The following SH3RF3 variants were observed in gnomAD, a reference collection of about 807,000 sequenced individuals.
SH3RF3 encodes the protein E3 ubiquitin-protein ligase SH3RF3.
In SH3RF3, 29 loss-of-function variants were observed where a neutral mutation model predicts 66.3. The ratio of observed to expected loss-of-function variants is 0.44; its 90% CI spans 0.33 to 0.60. The LOEUF is 0.60. Ranked by LOEUF, SH3RF3 falls within the 20% of genes least tolerant of loss-of-function variation. SH3RF3 has a pLI of 0.04. For missense variants in SH3RF3, 1,194 were observed against 1,190.9 expected (o/e 1.00, Z -0.04); for synonymous variants, 583 against 532.0 (o/e 1.10, Z -1.32).
At chr2:109,395,675 G>C (rs1676123283) in intron 3 of SH3RF3, among the ~76,000 whole-genome samples, 1 of 152,200 alleles carries the variant, frequency 6.6e-6, no homozygotes, top group African/African-American at 2.4e-5. Context: ...GCAGTCACTT[G>C]TGAGCAGCCT....
rs373215350 is a variant in SH3RF3 at position 109,320,540 on chromosome 2, A to T, written c.574-27134A>T. ...GGAGGCTGTCCTACCTGCTGGATACATGTTTGTTATCTGGGAGAAGTTTAG... is the reference window on the plus strand; with the variant it reads ...GGAGGCTGTCCTACCTGCTGGATACTTGTTTGTTATCTGGGAGAAGTTTAG... On this transcript the variant is annotated intron_variant, in intron 1 of 9. Transcript: ENST00000309415. Among the ~76,000 whole-genome samples the T allele has an allele frequency of 3.3e-5, 5 of 152,178 alleles. No homozygotes were observed. In the East Asian group the frequency reaches 7.7e-4, roughly 23 times the overall value.
chr2:109,142,960 G>A (rs1381598427), intron 1 of SH3RF3, among the ~76,000 whole-genome samples: 1 of 152,246 alleles, frequency 6.6e-6, no homozygotes, highest in Admixed American at 6.5e-5. Flanking sequence ...GTAGTGGAGT[G>A]CCGGGGGCTT....
chr2:109,218,079 G>A (rs957513715), intron 1 of SH3RF3, among the ~76,000 whole-genome samples: 2 of 152,096 alleles, frequency 1.3e-5, no homozygotes, highest in Middle Eastern at 3.2e-3. Flanking sequence ...CTGTGTTGTG[G>A]TAAGAGTAGT....
chr2:109,234,593 A>G (rs999671783), intron 1 of SH3RF3, among the ~76,000 whole-genome samples: 1 of 152,248 alleles, frequency 6.6e-6, no homozygotes, highest in Admixed American at 6.5e-5. Flanking sequence ...ACAGCTGTTT[A>G]AAACAATAAA....
chr2:109,269,697 T>A (rs1326021491), intron 1 of SH3RF3, among the ~76,000 whole-genome samples: 1 of 152,216 alleles, frequency 6.6e-6, no homozygotes, highest in East Asian at 1.9e-4. Context: ...GAGATTTGTT[T>A]GAACCAAGGA....
At chr2:109,386,169 G>T (rs1241052550) in intron 3 of SH3RF3, among the ~76,000 whole-genome samples, 2 of 152,330 alleles carry the variant, frequency 1.3e-5, no homozygotes, top group South Asian at 2.1e-4. Flanking sequence ...GCCTTGCCTG[G>T]AATTGCTCCT....
rs560568099 is a variant in SH3RF3 at position 109,296,534 on chromosome 2, G to A, written c.574-51140G>A. 5.9e-5 allele frequency among the ~76,000 whole-genome samples: 9 copies of A among 152,262 alleles called. No homozygotes were observed. The South Asian group carries it at 1.7e-3, about 28-fold the overall frequency. ...TGAGATTACAGGTGTGAGCCTCTGT[G>A]CCCAGCCTTCAGAATGACCTTTTAA... On this transcript the variant is annotated intron_variant, in intron 1 of 9. Coordinates refer to ENST00000309415, the MANE Select transcript of SH3RF3 (RefSeq NM_001099289.3).
At chr2:109,170,549 T>C (rs1288768618) in intron 1 of SH3RF3, among the ~76,000 whole-genome samples, 1 of 152,060 alleles carries the variant, frequency 6.6e-6, no homozygotes, top group African/African-American at 2.4e-5. Context: ...TTTCACTATG[T>C]TGGCCAGGAT....
chr2:109,225,233 A>G (rs1236452892), intron 1 of SH3RF3, among the ~76,000 whole-genome samples: 2 of 152,190 alleles, frequency 1.3e-5, no homozygotes, highest in East Asian at 3.8e-4. Context: ...GAAGAGCTCT[A>G]TTTTAATAAC....
In SH3RF3 at chr2:109,490,767, G is replaced by C; in HGVS notation, c.2311G>C (p.Gly771Arg). 6.5e-7 allele frequency: 1 copy of C among 1,536,496 alleles called. No individual in the cohort carries two copies. The highest frequency in any genetic ancestry group is 8.7e-7 in the Non-Finnish European group (1 of 1,146,472). ...GPEVSSLSIH[G>R]RAGSCPIESE... is the part of the protein sequence containing the mutation. Reference sequence around the variant, plus strand: ...CGAAGTGTCCTCACTGTCCATCCACGGCAGGGCAGGGTCCTGCCCCATAGA... The same window carrying C: ...CGAAGTGTCCTCACTGTCCATCCACCGCAGGGCAGGGTCCTGCCCCATAGA... Residue 771 changes from glycine (G) to arginine (R), a missense_variant, in exon 9 of 10, where the codon GGC (glycine) becomes CGC (arginine). Gly to Arg is a moderately radical substitution (Grantham distance 125). Transcript: ENST00000309415.
intron 2 of SH3RF3, among the ~76,000 whole-genome samples, chr2:109,356,454 A>G (rs1381315560): frequency 6.6e-6 from 1 of 152,080 alleles, no homozygotes; most frequent in Non-Finnish European, 1.5e-5. Flanking sequence ...GTAGCACGAC[A>G]CTCGACATGC....
intron 8 of SH3RF3, among the ~76,000 whole-genome samples, chr2:109,452,670 G>T (rs1275672115): frequency 6.6e-6 from 1 of 152,224 alleles, no homozygotes; most frequent in African/African-American, 2.4e-5. Flanking sequence ...CCAGCTCTGT[G>T]TTGTGTGGTG....
intron 9 of SH3RF3, among the ~76,000 whole-genome samples, chr2:109,495,587 T>C (rs36172188): frequency 0.26 from 38,543 of 146,332 alleles, 5,313 homozygotes; most frequent in East Asian, 0.52. Context: ...CTCCCAGATT[T>C]AAGCAATTCT....
At chr2:109,399,040 G>A in intron 4 of SH3RF3, 97 bp downstream of exon 4, 2 of 1,332,208 alleles carry the variant, frequency 1.5e-6, no homozygotes, top group Non-Finnish European at 2.0e-6. Context: ...CTAGCATGGA[G>A]GCCGCCCCAG....
At chr2:109,323,604 G>T (rs527314362) in intron 1 of SH3RF3, among the ~76,000 whole-genome samples, 2 of 152,314 alleles carry the variant, frequency 1.3e-5, no homozygotes, top group South Asian at 4.1e-4. Context: ...CATCTGCACT[G>T]GGGCTGGAGA....
chr2:109,296,943 C>T (rs1299157461), intron 1 of SH3RF3, among the ~76,000 whole-genome samples: 1 of 152,114 alleles, frequency 6.6e-6, no homozygotes, highest in East Asian at 1.9e-4. Flanking sequence ...TTAACTAGGC[C>T]TGGGGACCTA....
chr2:109,378,845 C>T (rs1683448298), intron 3 of SH3RF3, among the ~76,000 whole-genome samples: 1 of 152,162 alleles, frequency 6.6e-6, no homozygotes, highest in Non-Finnish European at 1.5e-5. Flanking sequence ...TCCTTGTGGG[C>T]AGTTCTTTCC....
intron 1 of SH3RF3, among the ~76,000 whole-genome samples, chr2:109,292,521 C>T (rs932195891): frequency 2.6e-5 from 4 of 152,156 alleles, no homozygotes; most frequent in African/African-American, 9.7e-5. Context: ...TTCACCTATC[C>T]GACGTTTAGC....
chr2:109,447,372 T>G (rs1573259126), intron 7 of SH3RF3, among the ~76,000 whole-genome samples: 1 of 152,082 alleles, frequency 6.6e-6, no homozygotes, highest in East Asian at 1.9e-4. Flanking sequence ...ACGGTGCTAC[T>G]TCCCGTGGCC....
Sources: allele counts gnomAD v4.1 joint callset (sites outside exome capture counted in the v4.1 genomes callset), GRCh38; gene constraint gnomAD v4.1.1; transcripts MANE v1.5; gene names NCBI Gene and HGNC (gene_info 2026-07-23, HGNC 2026-07-21).